USP48: variants seen among roughly 807,000 people sequenced by gnomAD.
USP48 encodes ubiquitin carboxyl-terminal hydrolase 48.
A neutral mutation model predicts 150.7 loss-of-function variants in USP48; 43 were observed. The observed-to-expected ratio is 0.29, with a 90% confidence interval of 0.22 to 0.37. The LOEUF is 0.37. USP48 is among the 10% of genes least tolerant of loss of function. USP48 has a pLI of 1.00. For missense variants in USP48, 813 were observed against 1,249.6 expected, an observed-to-expected ratio of 0.65 and a Z score of 5.27; for synonymous variants, 396 against 425.9, an observed-to-expected ratio of 0.93 and a Z score of 0.86.
chr1:21,783,076 C>G lies in USP48; in HGVS notation c.-119G>C. ...AAGGAGGACCTGGCGCTCCTTCAGG[C>G]AGCTGGCCAGTCAATCACCTGTGCG... On this transcript the variant is annotated 5_prime_UTR_variant, in exon 1 of 27. Transcript: ENST00000308271. 12 of 1,353,468 alleles carry G rather than the reference C, an allele frequency of 8.9e-6. No individual in the cohort carries two copies. Among genetic ancestry groups the G allele is most frequent in the Non-Finnish European group, 1.1e-5 (12 of 1,049,206 alleles). The allele number at this position is 1,353,468 out of a possible 1,614,324, so 83.8% of individuals were successfully genotyped here. A position where few individuals can be genotyped will look rare whatever the true frequency, so the allele number is the denominator to read the frequency against.
At chr1:21,696,419 C>A (rs1311195665) in intron 22 of USP48, among the ~76,000 whole-genome samples, 3 of 152,184 alleles carry the variant, frequency 2.0e-5, no homozygotes, top group Admixed American at 1.3e-4. Flanking sequence ...GCCTGGGCAA[C>A]AAGAGCGAAA....
intron 19 of USP48, chr1:21,704,714 T>C (rs1177574410): frequency 2.6e-5 from 5 of 195,124 alleles, no homozygotes; most frequent in Non-Finnish European, 5.2e-5. Flanking sequence ...CAAGACATTA[T>C]GTGCGTGCAT....
chr1:21,763,612 G>A (rs1408313125), intron 1 of USP48, among the ~76,000 whole-genome samples: 1 of 152,170 alleles, frequency 6.6e-6, no homozygotes, highest in African/African-American at 2.4e-5. Context: ...TCGGGAGTTC[G>A]AGACCAGCCT....
intron 9 of USP48, among the ~76,000 whole-genome samples, chr1:21,730,235 G>T (rs1449457339): frequency 2.0e-5 from 3 of 152,060 alleles, no homozygotes; most frequent in Non-Finnish European, 4.4e-5. Flanking sequence ...GAAGCCAGAA[G>T]TTCAAGACCA....
chr1:21,718,637 C>T (rs563452419), intron 14 of USP48, among the ~76,000 whole-genome samples: 1 of 151,740 alleles, frequency 6.6e-6, no homozygotes, highest in African/African-American at 2.4e-5. Flanking sequence ...CAGCTCACTG[C>T]AACCTCCTCC....
intron 23 of USP48, among the ~76,000 whole-genome samples, chr1:21,694,678 C>G (rs1262921875): frequency 7.1e-6 from 1 of 140,446 alleles, no homozygotes; most frequent in Non-Finnish European, 1.5e-5. Flanking sequence ...TAAGCAATCA[C>G]TAATCGCTAA....
chr1:21,783,112 G>T lies in USP48; in HGVS notation c.-155C>A. The T allele has an allele frequency of 1.7e-6, 2 of 1,151,174 alleles. No homozygotes were observed. Among genetic ancestry groups the T allele is most frequent in the Non-Finnish European group, 2.3e-6 (2 of 886,610 alleles). The allele number at this position is 1,151,174 out of a possible 1,614,324, so 71.3% of individuals were successfully genotyped here. On this transcript the variant is annotated 5_prime_UTR_variant, in exon 1 of 27. Transcript: ENST00000308271. ...TCAATCACCTGTGCGCGCCACTGCC[G>T]CCGCGCCCGCCCGCGCCCGACCCGC...
chr1:21,691,302 G>A (rs1318125562), intron 23 of USP48, among the ~76,000 whole-genome samples: 2 of 114,346 alleles, frequency 1.7e-5, no homozygotes, highest in Non-Finnish European at 1.7e-5. Context: ...CAACAAGAGC[G>A]AAACTCCCAT....
At chr1:21,689,829 G>A (rs1223234105) in intron 24 of USP48, 145 bp downstream of exon 24, 1 of 1,079,614 alleles carries the variant, frequency 9.3e-7, no homozygotes, top group South Asian at 1.8e-5. Context: ...GAGTTGGGCT[G>A]AGCTGCAAAA....
chr1:21,765,534 T>C (rs2097859541), intron 1 of USP48, among the ~76,000 whole-genome samples: 1 of 151,712 alleles, frequency 6.6e-6, no homozygotes, highest in African/African-American at 2.4e-5. Flanking sequence ...GAAGGCTCGC[T>C]TGAACCCGGG....
At chr1:21,722,755 G>A (rs1040187454) in intron 12 of USP48, among the ~76,000 whole-genome samples, 1 of 151,812 alleles carries the variant, frequency 6.6e-6, no homozygotes, top group Non-Finnish European at 1.5e-5. Flanking sequence ...TGAGACGGGA[G>A]CCTGAGGAGG....
intron 25 of USP48, chr1:21,686,888 G>C: frequency 2.8e-6 from 1 of 360,288 alleles, no homozygotes; most frequent in Non-Finnish European, 5.0e-6. Context: ...AGGTACCTAG[G>C]CCTCTAATTT....
chr1:21,679,785 C>T (rs572961430), intron 26 of USP48, among the ~76,000 whole-genome samples: 1 of 152,308 alleles, frequency 6.6e-6, no homozygotes, highest in East Asian at 1.9e-4. Flanking sequence ...AACCTTATCT[C>T]CCAGGTTCAA....
intron 1 of USP48, among the ~76,000 whole-genome samples, chr1:21,779,847 C>T (rs1363841849): frequency 6.6e-6 from 1 of 152,020 alleles, no homozygotes; most frequent in African/African-American, 2.4e-5. Context: ...TAGGAAAATG[C>T]AAATCAAAAC....
At chr1:21,738,208 C>T (rs764796739) in intron 8 of USP48, among the ~76,000 whole-genome samples, 1 of 151,796 alleles carries the variant, frequency 6.6e-6, no homozygotes, top group Non-Finnish European at 1.5e-5. Flanking sequence ...CAGGCACACA[C>T]CACCACACCC....
chr1:21,719,176 T>C (rs2097712703), intron 14 of USP48, among the ~76,000 whole-genome samples: 1 of 109,754 alleles, frequency 9.1e-6, no homozygotes, highest in Non-Finnish European at 1.7e-5. Flanking sequence ...GGCAGGAAAA[T>C]CACTTGAACT....
chr1:21,689,605 CTA>C (rs1173040668), intron 24 of USP48, among the ~76,000 whole-genome samples: 1 of 152,160 alleles, frequency 6.6e-6, no homozygotes, highest in East Asian at 1.9e-4. Context: ...CTGCCCTGCC[CTA>C]CCAGGGAACA....
chr1:21,755,865 T>C (rs1173015333), intron 3 of USP48, among the ~76,000 whole-genome samples: 1 of 151,564 alleles, frequency 6.6e-6, no homozygotes, highest in Non-Finnish European at 1.5e-5. Flanking sequence ...ACACTGTCTC[T>C]ATAAAAAAAA....
At chr1:21,754,029 T>C (rs559350807) in intron 3 of USP48, among the ~76,000 whole-genome samples, 2 of 151,484 alleles carry the variant, frequency 1.3e-5, no homozygotes, top group African/African-American at 4.8e-5. Flanking sequence ...GGCATGGTAG[T>C]ACACGCCTGT....
Sources: gnomAD v4.1 joint callset for allele counts (sites outside exome capture counted in the v4.1 genomes callset) on GRCh38, gnomAD v4.1.1 for gene constraint, MANE v1.5 for transcripts, NCBI Gene and HGNC (gene_info 2026-07-23, HGNC 2026-07-21) for gene names.